The following ABCC9 variants were observed in gnomAD, a reference collection of about 807,000 sequenced individuals.
ABCC9 encodes the protein ATP-binding cassette sub-family C member 9.
ABCC9 carries 95 observed loss-of-function variants against 188.3 expected under a neutral mutation model. The observed-to-expected ratio is 0.50, with a 90% CI of 0.43 to 0.60. ABCC9 has a LOEUF of 0.60. Ranked by LOEUF, ABCC9 falls within the 20% of genes least tolerant of loss-of-function variation. The probability of loss-of-function intolerance (pLI) is 0.00; values close to 1 mark genes in which losing one functional copy is unlikely to be tolerated. For missense variants in ABCC9, 1,102 were observed against 1,876.3 expected, an observed-to-expected ratio of 0.59 and a Z score of 7.62; for synonymous variants, 659 against 652.7, an observed-to-expected ratio of 1.01 and a Z score of -0.15.
In ABCC9 at chr12:21,817,225, A is replaced by G; in HGVS notation, c.3854T>C (p.Phe1285Ser). 1.2e-6 allele frequency: 2 copies of G among 1,613,804 alleles called. No homozygotes were observed. Among genetic ancestry groups the G allele is most frequent in the Middle Eastern group, 1.7e-4 (1 of 6,060 alleles). ...QMGAVKKVNS[F>S]LTMESENYEG... ...ATAGTTCTCTGACTCCATAGTCAGGAAACTGTTCACCTTCTTCACTGCACC... is the reference window on the plus strand; with the variant it reads ...ATAGTTCTCTGACTCCATAGTCAGGGAACTGTTCACCTTCTTCACTGCACC... Residue 1285 changes from phenylalanine (F) to serine (S), a missense_variant, in exon 33 of 40, where the codon TTC becomes TCC. Physicochemically the swap from Phe to Ser is radical, Grantham distance 155. This residue lies in a region of ABCC9 where 143 missense variants were observed against 225.6 expected (regional missense o/e 0.63). Transcript: ENST00000261200.
chr12:21,800,895 T>G lies in ABCC9; in HGVS notation c.*149A>C, dbSNP rs957267834. ...TAAGCAATAATATCTTGAAAAACTGTTTTAAAAACAGGAAAAATAAATGTC... is the reference window on the plus strand; with the variant it reads ...TAAGCAATAATATCTTGAAAAACTGGTTTAAAAACAGGAAAAATAAATGTC... On this transcript the variant is annotated 3_prime_UTR_variant, in exon 40 of 40. Coordinates refer to ENST00000261200, the MANE Select transcript of ABCC9 (RefSeq NM_020297.4). 2 of 911,214 alleles carry G rather than the reference T, an allele frequency of 2.2e-6. No individual in the cohort carries two copies. Among genetic ancestry groups the G allele is most frequent in the Non-Finnish European group, 3.3e-6 (2 of 602,614 alleles). 56.4% of individuals were successfully genotyped at this position (911,214 alleles called of 1,614,324 possible). A position where few individuals can be genotyped will look rare whatever the true frequency, so the allele number is the denominator to read the frequency against.
chr12:21,837,346 C>A (rs957047138), intron 30 of ABCC9, among the ~76,000 whole-genome samples: 35 of 152,080 alleles, frequency 2.3e-4, no homozygotes, highest in African/African-American at 7.5e-4. Flanking sequence ...ACTCTGTGAC[C>A]CAATTCTATA....
chr12:21,904,715 A>T (rs1403309012), intron 12 of ABCC9, among the ~76,000 whole-genome samples: 1 of 152,244 alleles, frequency 6.6e-6, no homozygotes, highest in African/African-American at 2.4e-5. Context: ...AATGCAAATT[A>T]AAACCACAAT....
At chr12:21,858,203 A>G (rs561673687) in intron 22 of ABCC9, among the ~76,000 whole-genome samples, 1 of 152,256 alleles carries the variant, frequency 6.6e-6, no homozygotes, top group African/African-American at 2.4e-5. Context: ...TTTCCAAGGC[A>G]GTTCCTCAGG....
chr12:21,840,700 T>G (rs756472019), intron 29 of ABCC9, among the ~76,000 whole-genome samples: 1 of 152,200 alleles, frequency 6.6e-6, no homozygotes, highest in Non-Finnish European at 1.5e-5. Flanking sequence ...AAAAGAAATG[T>G]GAAGTTGATT....
intron 4 of ABCC9, 72 bp downstream of exon 4, chr12:21,933,710 A>G: frequency 1.3e-6 from 2 of 1,563,534 alleles, no homozygotes; most frequent in Non-Finnish European, 1.8e-6. Flanking sequence ...ACAAGTTACA[A>G]AGATGTGAAC....
At chr12:21,834,907 AG>A (rs1481627138) in intron 30 of ABCC9, among the ~76,000 whole-genome samples, 5 of 152,100 alleles carry the variant, frequency 3.3e-5, no homozygotes, top group African/African-American at 9.6e-5. Flanking sequence ...TGATCTTTAC[AG>A]GGACCAACTT....
At chr12:21,816,563 A>G (rs1942660949) in intron 33 of ABCC9, among the ~76,000 whole-genome samples, 1 of 152,152 alleles carries the variant, frequency 6.6e-6, no homozygotes, top group African/African-American at 2.4e-5. Context: ...AATAAAGAGG[A>G]AAAGAAAGCC....
intron 33 of ABCC9, among the ~76,000 whole-genome samples, chr12:21,816,604 G>T (rs566936616): frequency 6.6e-6 from 1 of 152,296 alleles, no homozygotes; most frequent in African/African-American, 2.4e-5. Flanking sequence ...AGTAAAAGTG[G>T]TGCAGGTGGA....
At chr12:21,872,257 A>G (rs1946120256) in intron 18 of ABCC9, among the ~76,000 whole-genome samples, 1 of 152,184 alleles carries the variant, frequency 6.6e-6, no homozygotes, top group South Asian at 2.1e-4. Context: ...ACTTTAAGGC[A>G]CTGTTTCTAT....
chr12:21,883,074 A>G (rs575454469), intron 15 of ABCC9, among the ~76,000 whole-genome samples: 70 of 152,358 alleles, frequency 4.6e-4, no homozygotes, highest in African/African-American at 1.6e-3. Flanking sequence ...CTCTTGAGAA[A>G]AAATGAAAAA....
intron 37 of ABCC9, among the ~76,000 whole-genome samples, chr12:21,808,778 C>CAA (rs34314026): frequency 0.013 from 1,051 of 80,030 alleles, 9 homozygotes; most frequent in Non-Finnish European, 0.017. Context: ...GAACTTGTCT[C>CAA]AAAAAAAAAA....
At chr12:21,913,088 A>T (rs1000318966) in intron 7 of ABCC9, 22 bp from the exon 8 acceptor site, 6 of 1,588,868 alleles carry the variant, frequency 3.8e-6, no homozygotes, top group Non-Finnish European at 5.1e-6. Flanking sequence ...AAAAAGAAAA[A>T]AAAAACAGAT....
chr12:21,902,960 T>C (rs1947843696), intron 12 of ABCC9, among the ~76,000 whole-genome samples: 1 of 152,190 alleles, frequency 6.6e-6, no homozygotes, highest in Non-Finnish European at 1.5e-5. Context: ...ATCATCCTGA[T>C]ACCAAAGCCT....
rs368079660 is a variant in ABCC9, at chr12:21,807,358, A to T, written c.4437T>A (p.Ile1479=). The change falls in exon 38 of 40, where the codon ATT becomes ATA. Residue 1479 remains isoleucine (I), a synonymous_variant. Coordinates refer to ENST00000261200, the MANE Select transcript of ABCC9 (RefSeq NM_020297.4). ...ATAATGCACTCACTGTGGCCATGTC[A>T]ATGGAAGCTGTTGCCTCATCCATAA... ...ILIMDEATAS[I]DMATENILQK... is the part of the protein sequence containing the mutation. The T allele has an allele frequency of 8.1e-6, 13 of 1,613,816 alleles. No homozygotes were observed. Among genetic ancestry groups the T allele is most frequent in the African/African-American group, 1.3e-5 (1 of 74,918 alleles).
chr12:21,888,950 G>A (rs1947010756), intron 14 of ABCC9, among the ~76,000 whole-genome samples: 1 of 152,086 alleles, frequency 6.6e-6, no homozygotes, highest in African/African-American at 2.4e-5. Context: ...GCAACTACAG[G>A]GGAGGTATTG....
intron 17 of ABCC9, 28 bp from the exon 18 acceptor site, chr12:21,872,758 C>T: frequency 6.7e-7 from 1 of 1,482,838 alleles, no homozygotes; most frequent in Non-Finnish European, 9.4e-7. Flanking sequence ...AGGATAACTA[C>T]AGAATGAGAT....
intron 35 of ABCC9, 127 bp from the exon 36 acceptor site, chr12:21,812,284 C>A: frequency 1.4e-6 from 1 of 715,088 alleles, no homozygotes. Context: ...TCCATTTAAG[C>A]ATGTGGTGAT....
intron 19 of ABCC9, among the ~76,000 whole-genome samples, chr12:21,864,007 C>A (rs181752269): frequency 2.9e-4 from 44 of 152,054 alleles, no homozygotes; most frequent in East Asian, 1.2e-3. Context: ...CTTTCCCCCC[C>A]ACCCCACTCA....
Sources: gnomAD v4.1 joint callset for allele counts (sites outside exome capture counted in the v4.1 genomes callset) on GRCh38, gnomAD v4.1.1 for gene constraint, gnomAD v4.1.1 regional missense constraint, MANE v1.5 for transcripts, NCBI Gene and HGNC (gene_info 2026-07-23, HGNC 2026-07-21) for gene names.